Variants in NDUFAF2 observed in about 807,000 individuals in gnomAD.
NDUFAF2 encodes NADH dehydrogenase [ubiquinone] 1 alpha subcomplex assembly factor 2.
Under a neutral mutation model 22.8 loss-of-function variants are expected in NDUFAF2, and 13 were observed. The observed-to-expected ratio is 0.57, with a 90% CI of 0.37 to 0.91. NDUFAF2 has a LOEUF of 0.91. NDUFAF2 is among the 40% of genes least tolerant of loss of function. The pLI is 0.01. For synonymous variants in NDUFAF2, 53 were observed against 64.2 expected, an observed-to-expected ratio of 0.83 and a Z score of 0.84; for missense variants, 162 against 195.2, an observed-to-expected ratio of 0.83 and a Z score of 1.01.
chr5:61,089,786 C>T (rs1213474574), intron 2 of NDUFAF2, among the ~76,000 whole-genome samples: 1 of 151,966 alleles, frequency 6.6e-6, no homozygotes, highest in Non-Finnish European at 1.5e-5. Flanking sequence ...CTATTACATT[C>T]TTATATTAAT....
intron 1 of NDUFAF2, among the ~76,000 whole-genome samples, chr5:61,021,200 A>G (rs188397979): frequency 6.6e-6 from 1 of 152,110 alleles, no homozygotes; most frequent in Admixed American, 6.6e-5. Flanking sequence ...CAGATAGCCA[A>G]AATTAGTCTC....
chr5:60,976,840 G>T (rs1353882233), intron 1 of NDUFAF2, among the ~76,000 whole-genome samples: 3 of 152,090 alleles, frequency 2.0e-5, no homozygotes, highest in African/African-American at 7.2e-5. Flanking sequence ...GGTATTTAGG[G>T]AGGCAGATGG....
At chr5:60,971,522 C>T (rs1286064913) in intron 1 of NDUFAF2, among the ~76,000 whole-genome samples, 1 of 152,108 alleles carries the variant, frequency 6.6e-6, no homozygotes, top group Non-Finnish European at 1.5e-5. Context: ...CTCCTGACCT[C>T]GTGATCCGCC....
chr5:61,051,540 G>T (rs1449709687), intron 1 of NDUFAF2, among the ~76,000 whole-genome samples: 3 of 152,160 alleles, frequency 2.0e-5, no homozygotes, highest in African/African-American at 7.2e-5. Context: ...TTGAACCAGA[G>T]TGTGAACAAC....
At chr5:61,082,787 T>C (rs1752459687) in intron 2 of NDUFAF2, among the ~76,000 whole-genome samples, 1 of 152,206 alleles carries the variant, frequency 6.6e-6, no homozygotes. Flanking sequence ...GGTATCTAAG[T>C]TGATTCCACT....
chr5:60,988,945 A>C lies in NDUFAF2; in HGVS notation c.127+43563A>C, dbSNP rs1485128444. On this transcript the variant is annotated intron_variant, in intron 1 of 3. Coordinates refer to ENST00000296597, the MANE Select transcript of NDUFAF2 (RefSeq NM_174889.5). Reference sequence around the variant, plus strand: ...GAGAAATGGGATCTAATTAAACTAAAGAGCTTCTGCACAGCAAGAGAAACT... The same window carrying C: ...GAGAAATGGGATCTAATTAAACTAACGAGCTTCTGCACAGCAAGAGAAACT... Among the ~76,000 whole-genome samples the C allele has an allele frequency of 2.6e-5, 4 of 152,346 alleles. No homozygotes were observed. In the East Asian group the frequency reaches 7.7e-4, roughly 29 times the overall value.
chr5:61,070,080 A>G (rs780838077), intron 1 of NDUFAF2, among the ~76,000 whole-genome samples: 2 of 152,092 alleles, frequency 1.3e-5, no homozygotes, highest in Middle Eastern at 3.2e-3. Flanking sequence ...ACCAATGTCA[A>G]TTATTTTTGT....
At chr5:60,965,017 A>G (rs1453053334) in intron 1 of NDUFAF2, among the ~76,000 whole-genome samples, 1 of 151,906 alleles carries the variant, frequency 6.6e-6, no homozygotes, top group Non-Finnish European at 1.5e-5. Context: ...AGTTTAATGC[A>G]GTACTAGGAA....
At position 60,948,901 on chromosome 5, in the gene NDUFAF2, C is replaced by T. The variant is rs533980400; in HGVS notation, c.127+3519C>T. ...AAGTGGTGGTACCGTTTTACCTTCC[C>T]ACCAGGAGTGTATGAGATTTCCAGT... On this transcript the variant is annotated intron_variant, in intron 1 of 3. Transcript: ENST00000296597. Among the ~76,000 whole-genome samples the T allele has an allele frequency of 5.9e-5, 9 of 152,132 alleles. No individual in the cohort carries two copies. In the South Asian group the frequency reaches 1.9e-3, roughly 31 times the overall value.
chr5:61,094,681 T>G (rs1327199854), intron 2 of NDUFAF2, among the ~76,000 whole-genome samples: 1 of 152,204 alleles, frequency 6.6e-6, no homozygotes, highest in East Asian at 1.9e-4. Context: ...TTTTTTAGTT[T>G]GTTTGTTTCT....
At chr5:60,962,652 G>A (rs1434944497) in intron 1 of NDUFAF2, among the ~76,000 whole-genome samples, 1 of 151,880 alleles carries the variant, frequency 6.6e-6, no homozygotes, top group Non-Finnish European at 1.5e-5. Flanking sequence ...CTAACACGGT[G>A]AAACCCCATC....
rs377223610 is a variant in NDUFAF2 at position 60,960,563 on chromosome 5, TACTC to T, written c.127+15182_127+15185del. On this transcript the variant is annotated intron_variant, in intron 1 of 3. Transcript: ENST00000296597. ...GTTTGAAGACTTTGTAAGTGTGACT[TACTC>T]TGCAAGAGTTGTAAAAGTGAGTTGA... Among the ~76,000 whole-genome samples, 31 of 152,300 alleles carry T rather than the reference TACTC, an allele frequency of 2.0e-4. No individual in the cohort carries two copies. The East Asian group carries it at 2.9e-3, about 14-fold the overall frequency.
chr5:61,051,576 C>T (rs899231363), intron 1 of NDUFAF2, among the ~76,000 whole-genome samples: 1 of 152,024 alleles, frequency 6.6e-6, no homozygotes, highest in African/African-American at 2.4e-5. Context: ...TTTTCTCCCA[C>T]ATATAGCAGT....
At chr5:61,025,586 A>G (rs1276383594) in intron 1 of NDUFAF2, among the ~76,000 whole-genome samples, 3 of 152,034 alleles carry the variant, frequency 2.0e-5, no homozygotes, top group African/African-American at 7.2e-5. Context: ...TTAACTCTGT[A>G]AATATGTATT....
intron 1 of NDUFAF2, among the ~76,000 whole-genome samples, chr5:60,947,172 GTTTAAC>G (rs1750473016): frequency 6.6e-6 from 1 of 152,152 alleles, no homozygotes; most frequent in African/African-American, 2.4e-5. Context: ...ATCAATGTGT[GTTTAAC>G]TTTATGAGAA....
At chr5:61,041,414 C>T (rs1421173606) in intron 1 of NDUFAF2, among the ~76,000 whole-genome samples, 1 of 151,900 alleles carries the variant, frequency 6.6e-6, no homozygotes, top group Non-Finnish European at 1.5e-5. Context: ...GTTTTTTCAC[C>T]CGTACCAGTT....
At chr5:60,953,576 T>G (rs1750576311) in intron 1 of NDUFAF2, among the ~76,000 whole-genome samples, 2 of 152,146 alleles carry the variant, frequency 1.3e-5, no homozygotes, top group South Asian at 4.1e-4. Flanking sequence ...GATAAAGTTT[T>G]TGAGTCTTTG....
intron 3 of NDUFAF2, among the ~76,000 whole-genome samples, chr5:61,105,010 C>G (rs549688526): frequency 6.6e-6 from 1 of 152,046 alleles, no homozygotes; most frequent in African/African-American, 2.4e-5. Context: ...GGTTAAGCCT[C>G]CTTTTCCCAT....
intron 1 of NDUFAF2, among the ~76,000 whole-genome samples, chr5:61,021,481 C>A (rs1161736637): frequency 3.3e-5 from 5 of 152,134 alleles, no homozygotes; most frequent in Admixed American, 2.6e-4. Context: ...ACTTCTTCAT[C>A]TCAAGGCCCT....
Sources: gnomAD v4.1 joint callset for allele counts (sites outside exome capture counted in the v4.1 genomes callset) on GRCh38, gnomAD v4.1.1 for gene constraint, MANE v1.5 for transcripts, NCBI Gene and HGNC (gene_info 2026-07-23, HGNC 2026-07-21) for gene names.